Variants in COP1 observed in about 807,000 individuals in gnomAD.
COP1 encodes the protein COP1 E3 ubiquitin ligase.
In COP1, 24 loss-of-function variants were observed where a neutral mutation model predicts 101.3. That is an observed-to-expected ratio of 0.24 (90% CI 0.17 to 0.33). COP1 has a LOEUF of 0.33. Among genes scored for constraint, COP1 ranks in the 10% least tolerant of loss-of-function variants. COP1 has a pLI of 1.00. For missense variants in COP1, 663 were observed against 906.2 expected (o/e 0.73, Z 3.45); for synonymous variants, 347 against 341.9 (o/e 1.01, Z -0.17).
chr1:176,044,113 C>CAGGAAACGATAG, intron 12 of COP1, among the ~76,000 whole-genome samples: 1 of 152,184 alleles, frequency 6.6e-6, no homozygotes, highest in Non-Finnish European at 1.5e-5. Flanking sequence ...GAAACGATGT[C>CAGGAAACGATAG]TATCAGTGAA....
chr1:176,038,181 A>C (rs1669905249), intron 14 of COP1, among the ~76,000 whole-genome samples: 1 of 152,178 alleles, frequency 6.6e-6, no homozygotes, highest in Admixed American at 6.5e-5. Flanking sequence ...CATTAGCACC[A>C]AAAAATAAAA....
At chr1:176,018,190 C>T (rs544444738) in intron 15 of COP1, among the ~76,000 whole-genome samples, 47 of 152,312 alleles carry the variant, frequency 3.1e-4, no homozygotes, top group Admixed American at 1.9e-3. Flanking sequence ...CCAACCCTTA[C>T]CAATCCACAA....
chr1:176,031,301 G>T (rs186383996), intron 14 of COP1, among the ~76,000 whole-genome samples: 1 of 152,254 alleles, frequency 6.6e-6, no homozygotes, highest in East Asian at 1.9e-4. Context: ...AGATAAAATA[G>T]TATAATCTTT....
intron 15 of COP1, among the ~76,000 whole-genome samples, chr1:176,009,985 T>A (rs1664346162): frequency 6.6e-6 from 1 of 151,948 alleles, no homozygotes; most frequent in African/African-American, 2.4e-5. Context: ...AATGAGGAAT[T>A]AGGGTACAGT....
chr1:176,145,179 A>G (rs1417889673), intron 6 of COP1, among the ~76,000 whole-genome samples: 1 of 152,128 alleles, frequency 6.6e-6, no homozygotes, highest in Non-Finnish European at 1.5e-5. Context: ...AAAAAATGTA[A>G]AAAGTTTTAA....
chr1:175,996,301 G>A lies in COP1; in HGVS notation c.1730-6822C>T, dbSNP rs111831637. 5.2e-3 allele frequency among the ~76,000 whole-genome samples: 795 copies of A among 152,326 alleles called. 1 individual carries two copies. Among genetic ancestry groups the A allele is most frequent in the African/African-American group, 0.018 (733 of 41,542 alleles). On this transcript the variant is annotated intron_variant, in intron 15 of 19. Transcript: ENST00000367669. ...CCCGCAGCCAATATCATACTGAATGGGCAAAAACTGGAAGCATTCCCTTTG... is the reference window on the plus strand; with the variant it reads ...CCCGCAGCCAATATCATACTGAATGAGCAAAAACTGGAAGCATTCCCTTTG...
chr1:176,009,216 T>C lies in COP1; in HGVS notation c.1729+18356A>G, dbSNP rs572014809. 3.9e-5 allele frequency among the ~76,000 whole-genome samples: 6 copies of C among 152,316 alleles called. No individual in the cohort carries two copies. The South Asian group carries it at 8.3e-4, about 21-fold the overall frequency. ...AACTGGTACTAGAGTCTGACACAGC[T>C]GTGATACTGCATCTGATTATTTTCA... On this transcript the variant is annotated intron_variant, in intron 15 of 19. Transcript: ENST00000367669.
At position 176,094,142 on chromosome 1, in the gene COP1, A is replaced by C. The variant is rs947696714; in HGVS notation, c.1027-8252T>G. Among the ~76,000 whole-genome samples the C allele has an allele frequency of 2.6e-5, 4 of 152,278 alleles. No individual in the cohort carries two copies. In the East Asian group the frequency reaches 7.7e-4, roughly 29 times the overall value. ...AACAGGGCATATAAAACAAATAGGA[A>C]GTAGTCAGCAACACTGTTTTGTTTT... On this transcript the variant is annotated intron_variant, in intron 9 of 19. Transcript: ENST00000367669.
At chr1:176,047,768 A>G (rs746183763) in intron 11 of COP1, among the ~76,000 whole-genome samples, 9 of 152,206 alleles carry the variant, frequency 5.9e-5, no homozygotes, top group Admixed American at 1.3e-4. Flanking sequence ...GGTAAGTAAG[A>G]AAAAGACACA....
rs1317852536 is a variant in COP1 at position 176,030,263 on chromosome 1, G to A, written c.1613-2575C>T. ...ATCACGACATACAATTCTAAGATGA[G>A]ATGGCTCCCTGGAATTAAAAGTCAA... On this transcript the variant is annotated intron_variant, in intron 14 of 19. Coordinates refer to ENST00000367669, the MANE Select transcript of COP1 (RefSeq NM_022457.7). 3.3e-5 allele frequency among the ~76,000 whole-genome samples: 5 copies of A among 152,284 alleles called. No homozygotes were observed. The East Asian group carries it at 7.7e-4, about 24-fold the overall frequency.
At chr1:176,013,277 A>G (rs1341646697) in intron 15 of COP1, among the ~76,000 whole-genome samples, 1 of 152,198 alleles carries the variant, frequency 6.6e-6, no homozygotes. Context: ...TCCCAAAAAT[A>G]TATGATTATA....
chr1:176,056,664 TTTC>T (rs1673552537), intron 11 of COP1, among the ~76,000 whole-genome samples: 2 of 152,172 alleles, frequency 1.3e-5, no homozygotes, highest in South Asian at 4.1e-4. Context: ...ATAAAAATAT[TTTC>T]TTATTGCCAG....
intron 1 of COP1, among the ~76,000 whole-genome samples, chr1:176,204,661 T>TGTAATCCCTCCCAGCAA (rs1270304319): frequency 6.6e-6 from 1 of 152,182 alleles, no homozygotes; most frequent in African/African-American, 2.4e-5. Flanking sequence ...GGCTCACACC[T>TGTAATCCCTCCCAGCAA]GTAATCCCTC....
chr1:176,066,099 G>A (rs1675916268), intron 11 of COP1, among the ~76,000 whole-genome samples: 1 of 152,092 alleles, frequency 6.6e-6, no homozygotes, highest in African/African-American at 2.4e-5. Flanking sequence ...AGACTAAGAA[G>A]CCCATATCTA....
intron 9 of COP1, among the ~76,000 whole-genome samples, chr1:176,094,079 C>G (rs1163053629): frequency 6.6e-6 from 1 of 150,772 alleles, no homozygotes; most frequent in Non-Finnish European, 1.5e-5. Context: ...GATAAGACTT[C>G]AAAGCCTGAA....
At position 176,055,749 on chromosome 1, in the gene COP1, A is replaced by AT. The variant is rs143397452; in HGVS notation, c.1278-9426dup. 5.1e-3 allele frequency among the ~76,000 whole-genome samples: 781 copies of AT among 152,292 alleles called. 3 individuals carry two copies. The highest frequency in any genetic ancestry group is 7.2e-3 in the Non-Finnish European group (490 of 68,024). On this transcript the variant is annotated intron_variant, in intron 11 of 19. Transcript: ENST00000367669. ...GTTTACCTGATTAGGTTGACTAACA[A>AT]TTTTCATCTTTTGTTTTTAAAAGCT...
chr1:175,986,350 A>T (rs760439052), intron 18 of COP1, among the ~76,000 whole-genome samples: 1 of 152,142 alleles, frequency 6.6e-6, no homozygotes, highest in African/African-American at 2.4e-5. Context: ...ACTTATGAAA[A>T]ACCTTATACT....
chr1:175,957,650 C>T (rs1051078620), intron 18 of COP1, among the ~76,000 whole-genome samples: 3 of 152,188 alleles, frequency 2.0e-5, no homozygotes, highest in African/African-American at 7.2e-5. Flanking sequence ...AAACTTACAA[C>T]TACTCTACAA....
intron 6 of COP1, among the ~76,000 whole-genome samples, chr1:176,142,217 G>T (rs1690807405): frequency 6.6e-6 from 1 of 151,688 alleles, no homozygotes; most frequent in South Asian, 2.1e-4. Flanking sequence ...ACTAAAAAAT[G>T]ATACAAAAAA....
Sources: allele counts gnomAD v4.1 joint callset (sites outside exome capture counted in the v4.1 genomes callset), GRCh38; gene constraint gnomAD v4.1.1; transcripts MANE v1.5; gene names NCBI Gene and HGNC (gene_info 2026-07-23, HGNC 2026-07-21).